COL4A1: variants seen among roughly 807,000 people sequenced by gnomAD.
The protein encoded by COL4A1 is collagen type IV alpha 1 chain.
A neutral mutation model predicts 216.6 loss-of-function variants in COL4A1; 40 were observed. The observed-to-expected ratio is 0.18, with a 90% confidence interval of 0.14 to 0.24. The LOEUF is 0.24. Among genes scored for constraint, COL4A1 ranks in the 10% least tolerant of loss-of-function variants. The pLI, the probability that COL4A1 is intolerant of heterozygous loss-of-function variation, is 1.00. For missense variants in COL4A1, 1,628 were observed against 2,196.8 expected (o/e 0.74, Z 5.18); for synonymous variants, 839 against 810.7 (o/e 1.03, Z -0.59).
intron 1 of COL4A1, among the ~76,000 whole-genome samples, chr13:110,269,848 G>A (rs540519): frequency 0.28 from 42,490 of 151,456 alleles, 6,590 homozygotes; most frequent in African/African-American, 0.42. Context: ...GGAAGGAAAC[G>A]TGTTAGCCTC....
rs993288457 is a variant in COL4A1, at chr13:110,207,186, C to T, written c.780+217G>A. The stretch of plus-strand genomic sequence containing the variant: ...GCACATTTAAGAAGCCCTGATCCAG[C>T]GGGGTGAGCCTCAGATCAGGCTTGG... On this transcript the variant is annotated intron_variant, in intron 13 of 51. Transcript: ENST00000375820. The surrounding 1 kb of genome is among the most constrained non-coding windows in gnomAD (Gnocchi z 4.4). Among the ~76,000 whole-genome samples, 7 of 151,846 alleles carry T rather than the reference C, an allele frequency of 4.6e-5. No individual in the cohort carries two copies. The highest frequency in any genetic ancestry group is 1.5e-4 in the African/African-American group (6 of 41,310).
intron 2 of COL4A1, among the ~76,000 whole-genome samples, chr13:110,227,366 T>C (rs930610049): frequency 6.7e-6 from 1 of 148,290 alleles, no homozygotes; most frequent in East Asian, 2.0e-4. Context: ...GGGCGATAGA[T>C]GACCAAGTAT....
chr13:110,198,860 T>C (rs1377784362), intron 20 of COL4A1, among the ~76,000 whole-genome samples: 1 of 152,268 alleles, frequency 6.6e-6, no homozygotes, highest in African/African-American at 2.4e-5. Context: ...ACTCATTACG[T>C]AGATATTAAA....
chr13:110,191,824 T>C lies in COL4A1; in HGVS notation c.1536+390A>G, dbSNP rs147719628. On this transcript the variant is annotated intron_variant, in intron 24 of 51. Coordinates refer to ENST00000375820, the MANE Select transcript of COL4A1 (RefSeq NM_001845.6). Reference sequence around the variant, plus strand: ...TGATCTGATATGATGTTACCAGCACTGGTAACACAGAAAGACGGCACTTCG... The same window carrying C: ...TGATCTGATATGATGTTACCAGCACCGGTAACACAGAAAGACGGCACTTCG... 5.3e-5 allele frequency among the ~76,000 whole-genome samples: 8 copies of C among 152,326 alleles called. No individual in the cohort carries two copies. In the East Asian group the frequency reaches 1.5e-3, roughly 29 times the overall value.
intron 4 of COL4A1, 26 bp downstream of exon 4, chr13:110,213,756 C>T (rs375192293): frequency 1.6e-5 from 25 of 1,612,654 alleles, no homozygotes; most frequent in East Asian, 2.2e-5. Context: ...ATGGAATCAT[C>T]GATTGTGAGT....
In COL4A1 at chr13:110,207,522, A is replaced by G. The variant is rs759204115; in HGVS notation, c.694-33T>C. The G allele has an allele frequency of 1.4e-5, 22 of 1,560,542 alleles. No individual in the cohort carries two copies. The Admixed American group carries it at 3.7e-4, about 26-fold the overall frequency. On this transcript the variant is annotated intron_variant, in intron 12 of 51. Transcript: ENST00000375820. The surrounding 1 kb of genome is among the most constrained non-coding windows in gnomAD (Gnocchi z 4.4). ...CATAAAAATGTAAAATTAATTAGGCATGAAAACAATTATGCAGACATGAAA... is the reference window on the plus strand; with the variant it reads ...CATAAAAATGTAAAATTAATTAGGCGTGAAAACAATTATGCAGACATGAAA...
intron 2 of COL4A1, among the ~76,000 whole-genome samples, chr13:110,228,964 T>C (rs767711170): frequency 4.6e-5 from 7 of 152,142 alleles, no homozygotes; most frequent in Non-Finnish European, 1.0e-4. Flanking sequence ...ACGTGATTTT[T>C]CAGAAAAGAA....
At chr13:110,208,783 G>T in intron 12 of COL4A1, 66 bp downstream of exon 12, 1 of 1,430,676 alleles carries the variant, frequency 7.0e-7, no homozygotes, top group African/African-American at 1.4e-5. Flanking sequence ...TGATCCAAAG[G>T]TGGGAACTGT....
At chr13:110,304,368 T>C (rs562244008) in intron 1 of COL4A1, among the ~76,000 whole-genome samples, 1 of 152,322 alleles carries the variant, frequency 6.6e-6, no homozygotes, top group African/African-American at 2.4e-5. Context: ...GGTCAGGAGA[T>C]GACAGTATTG....
intron 46 of COL4A1, 122 bp downstream of exon 46, chr13:110,164,740 A>C: frequency 7.1e-7 from 1 of 1,400,610 alleles, no homozygotes; most frequent in Non-Finnish European, 9.5e-7. Flanking sequence ...AGAAACTCAT[A>C]TTCATATGTG....
At chr13:110,208,776 T>C in intron 12 of COL4A1, 73 bp downstream of exon 12, 1 of 1,390,124 alleles carries the variant, frequency 7.2e-7, no homozygotes, top group Non-Finnish European at 1.0e-6. Context: ...CAGACATTGA[T>C]CCAAAGGTGG....
chr13:110,253,683 CAT>C (rs970808566), intron 1 of COL4A1, among the ~76,000 whole-genome samples: 7 of 124,142 alleles, frequency 5.6e-5, no homozygotes, highest in Middle Eastern at 5.7e-3. Context: ...GTATGTATTA[CAT>C]ATACATATAA....
At chr13:110,213,865 C>T (rs749889472) in intron 3 of COL4A1, 39 bp from the exon 4 acceptor site, 20 of 1,613,704 alleles carry the variant, frequency 1.2e-5, no homozygotes, top group African/African-American at 1.3e-5. Flanking sequence ...TTGATCACCG[C>T]TATCTCAAGA....
chr13:110,169,099 G>A (rs1232204291), intron 43 of COL4A1, among the ~76,000 whole-genome samples: 6 of 151,768 alleles, frequency 4.0e-5, no homozygotes, highest in African/African-American at 1.5e-4. Flanking sequence ...ACCCTGAGAT[G>A]TGCTCTTCTG....
intron 1 of COL4A1, among the ~76,000 whole-genome samples, chr13:110,249,322 T>C (rs1186419315): frequency 6.6e-6 from 1 of 152,124 alleles, no homozygotes; most frequent in East Asian, 1.9e-4. Context: ...TTGCACTTTG[T>C]TGTATTTCAA....
Position 110,206,875 on chromosome 13 carries a change from G to A in COL4A1, c.797C>T (p.Pro266Leu). 1 of 1,613,950 alleles carries A rather than the reference G, an allele frequency of 6.2e-7. No individual in the cohort carries two copies. Among genetic ancestry groups the A allele is most frequent in the Non-Finnish European group, 8.5e-7 (1 of 1,180,012 alleles). The change falls in exon 14 of 52, where the codon CCT (proline) becomes CTT (leucine). Residue 266 changes from proline to leucine, a missense_variant. Coordinates refer to ENST00000375820, the MANE Select transcript of COL4A1 (RefSeq NM_001845.6). ...AAACTGAGTACTGACCTGAAATCCA[G>A]GTTCACCTTTTTGGCCCTGAAAGAA... ...TKGEKGQKGE[P>L]GFQGMPGVGE...
chr13:110,289,961 T>C (rs995687877), intron 1 of COL4A1, among the ~76,000 whole-genome samples: 1 of 152,016 alleles, frequency 6.6e-6, no homozygotes, highest in African/African-American at 2.4e-5. Flanking sequence ...TTAAGGCCCC[T>C]GGGAAGTAAA....
intron 21 of COL4A1, among the ~76,000 whole-genome samples, chr13:110,197,674 C>T (rs1878967225): frequency 6.6e-6 from 1 of 152,204 alleles, no homozygotes; most frequent in South Asian, 2.1e-4. Context: ...AGTCCTGGCC[C>T]AGCCCCCAAC....
intron 1 of COL4A1, among the ~76,000 whole-genome samples, chr13:110,292,669 A>G (rs1369893247): frequency 1.3e-5 from 2 of 152,162 alleles, no homozygotes; most frequent in Non-Finnish European, 1.5e-5. Flanking sequence ...TTTTAAAACC[A>G]TCAAATCTCA....
Sources: allele counts gnomAD v4.1 joint callset (sites outside exome capture counted in the v4.1 genomes callset), GRCh38; gene constraint gnomAD v4.1.1; non-coding constraint Gnocchi (gnomAD v3.1); transcripts MANE v1.5; gene names NCBI Gene and HGNC (gene_info 2026-07-23, HGNC 2026-07-21).